SSBP3: variants seen among roughly 807,000 people sequenced by gnomAD.
The protein encoded by SSBP3 is single stranded DNA binding protein 3.
Under a neutral mutation model 69.6 loss-of-function variants are expected in SSBP3, and 5 were observed. The ratio of observed to expected loss-of-function variants is 0.07; its 90% CI spans 0.04 to 0.15. SSBP3 has a LOEUF of 0.15. Among genes scored for constraint, SSBP3 ranks in the 10% least tolerant of loss-of-function variants. The probability of loss-of-function intolerance (pLI) is 1.00; values close to 1 mark genes in which losing one functional copy is unlikely to be tolerated. For synonymous variants in SSBP3, 196 were observed against 193.4 expected, an observed-to-expected ratio of 1.01 and a Z score of -0.11; for missense variants, 312 against 534.0, an observed-to-expected ratio of 0.58 and a Z score of 4.10.
intron 17 of SSBP3, among the ~76,000 whole-genome samples, chr1:54,227,784 G>T (rs1252281645): frequency 6.6e-6 from 1 of 152,172 alleles, no homozygotes. Context: ...TCACCATGTT[G>T]CCCAGGCTGG....
At chr1:54,410,093 G>T (rs1304390613), upstream of SSBP3, among the ~76,000 whole-genome samples, 1 of 152,216 alleles carries the variant, frequency 6.6e-6, no homozygotes, top group African/African-American at 2.4e-5. Flanking sequence ...TAGGGTCAGG[G>T]AATGATCATC....
intron 4 of SSBP3, among the ~76,000 whole-genome samples, chr1:54,393,913 C>T (rs568268190): frequency 1.5e-4 from 23 of 152,318 alleles, no homozygotes; most frequent in Admixed American, 1.2e-3. Context: ...GCGCCCACCA[C>T]CACGTCTGGC....
At chr1:54,290,423 T>C (rs1645583331) in intron 4 of SSBP3, among the ~76,000 whole-genome samples, 1 of 152,184 alleles carries the variant, frequency 6.6e-6, no homozygotes, top group Non-Finnish European at 1.5e-5. Flanking sequence ...CGTCCTAAGA[T>C]TCCCTGACCA....
chr1:54,263,817 A>G (rs1557474717), intron 5 of SSBP3, among the ~76,000 whole-genome samples: 1 of 152,180 alleles, frequency 6.6e-6, no homozygotes, highest in Non-Finnish European at 1.5e-5. Flanking sequence ...CCACACTGCC[A>G]TGGGCAAGGG....
chr1:54,238,028 A>C (rs1264893467), intron 14 of SSBP3: 2 of 400,928 alleles, frequency 5.0e-6, no homozygotes, highest in Non-Finnish European at 1.0e-5. Flanking sequence ...TGCATCACTG[A>C]CAAAACCCAG....
chr1:54,388,598 G>C (rs1468936555), intron 4 of SSBP3, among the ~76,000 whole-genome samples: 1 of 152,190 alleles, frequency 6.6e-6, no homozygotes, highest in Non-Finnish European at 1.5e-5. Context: ...GATGATTTCC[G>C]GACTCGCTGT....
intron 4 of SSBP3, among the ~76,000 whole-genome samples, chr1:54,309,215 C>T (rs969608042): frequency 6.6e-6 from 1 of 152,216 alleles, no homozygotes; most frequent in African/African-American, 2.4e-5. Flanking sequence ...AACCTGCCCT[C>T]TGGTCTTGGA....
At chr1:54,352,692 C>T (rs1646799769) in intron 4 of SSBP3, among the ~76,000 whole-genome samples, 3 of 152,214 alleles carry the variant, frequency 2.0e-5, no homozygotes, top group Non-Finnish European at 2.9e-5. Context: ...ACCATGCGAG[C>T]ATCTAGCGTG....
At chr1:54,314,170 C>G (rs763889857) in intron 4 of SSBP3, among the ~76,000 whole-genome samples, 22 of 152,156 alleles carry the variant, frequency 1.4e-4, no homozygotes, top group Non-Finnish European at 3.2e-4. Context: ...AGAGTTGGGG[C>G]CAGCACCCAA....
intron 4 of SSBP3, among the ~76,000 whole-genome samples, chr1:54,397,305 G>A (rs1398969513): frequency 1.3e-5 from 2 of 152,176 alleles, no homozygotes; most frequent in Non-Finnish European, 2.9e-5. Flanking sequence ...GGCAGGCATG[G>A]ACACTCCCTG....
intron 4 of SSBP3, among the ~76,000 whole-genome samples, chr1:54,312,813 T>C (rs1268700889): frequency 6.6e-6 from 1 of 152,170 alleles, no homozygotes; most frequent in Non-Finnish European, 1.5e-5. Context: ...AGTGCCATAC[T>C]GCAGCCTTTG....
intron 5 of SSBP3, among the ~76,000 whole-genome samples, chr1:54,265,893 C>T (rs1645093395): frequency 1.3e-5 from 2 of 152,178 alleles, no homozygotes; most frequent in Admixed American, 1.3e-4. Context: ...AGGGTTTGCA[C>T]CATTAGGAAT....
intron 4 of SSBP3, among the ~76,000 whole-genome samples, chr1:54,370,306 G>C (rs1292575506): frequency 6.6e-6 from 1 of 152,170 alleles, no homozygotes; most frequent in Non-Finnish European, 1.5e-5. Flanking sequence ...CTTCCAGCCT[G>C]GTCTGTGACT....
exon 18 of SSBP3, chr1:54,225,444 A>G: frequency 8.2e-7 from 1 of 1,225,682 alleles, no homozygotes; most frequent in African/African-American, 1.6e-5. Context: ...CGGAAAAAAG[A>G]TGTCCCTTTA....
intron 4 of SSBP3, among the ~76,000 whole-genome samples, chr1:54,400,461 C>T (rs1382241092): frequency 1.3e-5 from 2 of 152,182 alleles, no homozygotes; most frequent in African/African-American, 4.8e-5. Context: ...CCTGAACATC[C>T]AGGTCAGGAA....
At chr1:54,322,453 G>A (rs767387475) in intron 4 of SSBP3, among the ~76,000 whole-genome samples, 1 of 151,926 alleles carries the variant, frequency 6.6e-6, no homozygotes, top group Non-Finnish European at 1.5e-5. Flanking sequence ...GGAGTTCTTG[G>A]GCCAGGAGGC....
chr1:54,369,185 C>G (rs1226447042), intron 4 of SSBP3, among the ~76,000 whole-genome samples: 1 of 149,012 alleles, frequency 6.7e-6, no homozygotes. Context: ...TTCTTTAAAT[C>G]TGCATTGCAC....
intron 7 of SSBP3, among the ~76,000 whole-genome samples, chr1:54,254,644 C>T (rs561533920): frequency 7.9e-5 from 12 of 152,262 alleles, no homozygotes; most frequent in African/African-American, 2.6e-4. Context: ...TCCCTTTACC[C>T]GTCACAGGAG....
chr1:54,286,996 G>A (rs1645502591), intron 4 of SSBP3: 1 of 152,204 alleles, frequency 6.6e-6, no homozygotes, highest in Admixed American at 6.5e-5. Context: ...GCATCTCAGA[G>A]TAGGCAACAG....
Sources: gnomAD v4.1 joint callset for allele counts (sites outside exome capture counted in the v4.1 genomes callset) on GRCh38, gnomAD v4.1.1 for gene constraint, MANE v1.5 for transcripts, NCBI Gene and HGNC (gene_info 2026-07-23, HGNC 2026-07-21) for gene names.